Variants in CENPP observed in about 807,000 individuals in gnomAD.
The protein encoded by CENPP is centromere protein P.
CENPP carries 24 observed loss-of-function variants against 35.6 expected under a neutral mutation model. The ratio of observed to expected loss-of-function variants is 0.67; its 90% confidence interval spans 0.49 to 0.95. The LOEUF is 0.95. Among genes scored for constraint, CENPP ranks in the 40% least tolerant of loss-of-function variants. The pLI is 0.00. For synonymous variants in CENPP, 120 were observed against 125.5 expected (o/e 0.96, Z 0.29); for missense variants, 332 against 345.3 (o/e 0.96, Z 0.31).
chr9:92,440,585 G>C (rs533750292), intron 5 of CENPP, among the ~76,000 whole-genome samples: 2 of 152,220 alleles, frequency 1.3e-5, no homozygotes, highest in South Asian at 4.1e-4. Context: ...TGGTAAGAGT[G>C]CTAACATCTG....
chr9:92,377,310 T>A (rs1842146599), intron 4 of CENPP, among the ~76,000 whole-genome samples: 1 of 152,226 alleles, frequency 6.6e-6, no homozygotes, highest in Admixed American at 6.5e-5. Context: ...AAGAAAGTTC[T>A]GACTTAGCTG....
chr9:92,605,886 A>G (rs1038184986), intron 5 of CENPP, among the ~76,000 whole-genome samples: 1 of 152,250 alleles, frequency 6.6e-6, no homozygotes, highest in Non-Finnish European at 1.5e-5. Context: ...AATATTTTTG[A>G]TCATATATTG....
At chr9:92,351,783 C>T (rs1841451854) in intron 4 of CENPP, among the ~76,000 whole-genome samples, 1 of 151,874 alleles carries the variant, frequency 6.6e-6, no homozygotes, top group Non-Finnish European at 1.5e-5. Flanking sequence ...CGCTACCATG[C>T]CCAGCTAATT....
At chr9:92,387,047 C>CAA (rs1842455261) in intron 5 of CENPP, among the ~76,000 whole-genome samples, 1 of 63,876 alleles carries the variant, frequency 1.6e-5, no homozygotes, top group African/African-American at 6.2e-5. Flanking sequence ...GACTCTGTCT[C>CAA]AAAAAGAAAA....
intron 5 of CENPP, among the ~76,000 whole-genome samples, chr9:92,582,654 A>G (rs900168497): frequency 2.0e-5 from 3 of 151,590 alleles, no homozygotes; most frequent in Non-Finnish European, 2.9e-5. Context: ...ACCCAACCCC[A>G]TTCCATATTC....
chr9:92,470,632 CA>C, intron 5 of CENPP: 1 of 1,107,678 alleles, frequency 9.0e-7, no homozygotes, highest in Non-Finnish European at 1.3e-6. Context: ...ACAGAGTTTT[CA>C]CTTAAATCTT....
chr9:92,380,354 G>A (rs886581275), intron 5 of CENPP, among the ~76,000 whole-genome samples: 1 of 152,072 alleles, frequency 6.6e-6, no homozygotes, highest in Admixed American at 6.6e-5. Flanking sequence ...TTTGTTTTCG[G>A]GCATAACTGA....
chr9:92,575,477 CAAATTA>C (rs2131360046), intron 5 of CENPP, among the ~76,000 whole-genome samples: 1 of 152,172 alleles, frequency 6.6e-6, no homozygotes, highest in East Asian at 1.9e-4. Context: ...TAGGGAGCTA[CAAATTA>C]AAATACAGTG....
intron 5 of CENPP, among the ~76,000 whole-genome samples, chr9:92,561,129 A>G (rs1046880085): frequency 6.6e-6 from 1 of 152,140 alleles, no homozygotes; most frequent in Non-Finnish European, 1.5e-5. Flanking sequence ...AATATATGCT[A>G]ATGAGTTACA....
chr9:92,562,398 G>A (rs190023097), intron 5 of CENPP, among the ~76,000 whole-genome samples: 3 of 151,876 alleles, frequency 2.0e-5, no homozygotes, highest in Admixed American at 1.3e-4. Flanking sequence ...TAGAGACAGG[G>A]TTTCACCATA....
chr9:92,328,291 G>A (rs998573658), intron 1 of CENPP, among the ~76,000 whole-genome samples: 1 of 152,184 alleles, frequency 6.6e-6, no homozygotes, highest in African/African-American at 2.4e-5. Flanking sequence ...AGGAGGATTG[G>A]AACCTATGTA....
At chr9:92,470,023 CTTG>C (rs1220735609) in intron 5 of CENPP, among the ~76,000 whole-genome samples, 2 of 152,130 alleles carry the variant, frequency 1.3e-5, no homozygotes, top group Admixed American at 1.3e-4. Context: ...GAGGTGGAGT[CTTG>C]TTGTGTTGCC....
At chr9:92,348,953 G>A (rs1467201765) in intron 4 of CENPP, among the ~76,000 whole-genome samples, 1 of 151,944 alleles carries the variant, frequency 6.6e-6, no homozygotes, top group African/African-American at 2.4e-5. Flanking sequence ...TGTGTGCTTG[G>A]GGCAGCCTTA....
At chr9:92,563,936 T>G (rs1849904220) in intron 5 of CENPP, among the ~76,000 whole-genome samples, 1 of 152,172 alleles carries the variant, frequency 6.6e-6, no homozygotes, top group Non-Finnish European at 1.5e-5. Flanking sequence ...GGGAGGAACA[T>G]AACCAGGTCT....
At chr9:92,440,616 T>A (rs982515453) in intron 5 of CENPP, among the ~76,000 whole-genome samples, 1 of 152,174 alleles carries the variant, frequency 6.6e-6, no homozygotes, top group Non-Finnish European at 1.5e-5. Context: ...AAATCTCCTA[T>A]CTGTAAAATT....
chr9:92,607,139 T>A (rs1056870207), intron 5 of CENPP, among the ~76,000 whole-genome samples: 16 of 152,320 alleles, frequency 1.1e-4, no homozygotes, highest in African/African-American at 3.8e-4. Flanking sequence ...TTTTAGCACT[T>A]ACATTTCTAT....
At chr9:92,325,929 A>C (rs1349594522), upstream of CENPP, 1 of 1,361,652 alleles carries the variant, frequency 7.3e-7, no homozygotes, top group South Asian at 1.2e-5. Context: ...GCGAGGCTTG[A>C]AGCGCGGGTG....
At chr9:92,552,162 AT>A in intron 5 of CENPP, among the ~76,000 whole-genome samples, 1 of 138,536 alleles carries the variant, frequency 7.2e-6, no homozygotes, top group Admixed American at 7.2e-5. Context: ...GATCTATCAT[AT>A]ATATGTGATA....
chr9:92,560,776 G>A (rs145797616), intron 5 of CENPP, among the ~76,000 whole-genome samples: 2,045 of 150,990 alleles, frequency 0.014, 24 homozygotes, highest in Non-Finnish European at 0.023. Context: ...TTCTACCACC[G>A]TTCTGCTTCC....
Sources: allele counts gnomAD v4.1 joint callset (sites outside exome capture counted in the v4.1 genomes callset), GRCh38; gene constraint gnomAD v4.1.1; transcripts MANE v1.5; gene names NCBI Gene and HGNC (gene_info 2026-07-23, HGNC 2026-07-21).